The following NREP variants were observed in gnomAD, a reference collection of about 807,000 sequenced individuals.
The protein encoded by NREP is neuronal regeneration related protein, also known as neuronal regeneration-related protein.
Under a neutral mutation model 8.6 loss-of-function variants are expected in NREP, and 5 were observed. That is an observed-to-expected ratio of 0.58 (90% CI 0.30 to 1.22). NREP has a LOEUF of 1.22. Among genes scored for constraint, NREP ranks in the 50% most tolerant of loss-of-function variants. The pLI is 0.07. For missense variants in NREP, 86 were observed against 82.5 expected, an observed-to-expected ratio of 1.04 and a Z score of -0.17; for synonymous variants, 27 against 28.0, an observed-to-expected ratio of 0.96 and a Z score of 0.11.
At chr5:111,763,434 G>A (rs1400856096) in intron 2 of NREP, among the ~76,000 whole-genome samples, 2 of 152,182 alleles carry the variant, frequency 1.3e-5, no homozygotes, top group Non-Finnish European at 2.9e-5. Flanking sequence ...GAAAATTATG[G>A]TGCTTTCAAT....
intron 2 of NREP, among the ~76,000 whole-genome samples, chr5:111,780,363 G>A (rs895843937): frequency 2.6e-5 from 4 of 152,118 alleles, no homozygotes; most frequent in Admixed American, 6.6e-5. Flanking sequence ...TAAAGTTTTT[G>A]CTACTGTGAG....
At chr5:111,836,524 C>T (rs975977496) in intron 2 of NREP, among the ~76,000 whole-genome samples, 1 of 152,026 alleles carries the variant, frequency 6.6e-6, no homozygotes, top group Non-Finnish European at 1.5e-5. Context: ...CTTTGGCTCT[C>T]TACATCAATA....
At chr5:111,923,130 G>C (rs555122206) in intron 2 of NREP, among the ~76,000 whole-genome samples, 1 of 152,332 alleles carries the variant, frequency 6.6e-6, no homozygotes, top group South Asian at 2.1e-4. Context: ...TGGAGGATAA[G>C]AAAGACATAT....
At chr5:111,811,604 C>T (rs1022966389) in intron 2 of NREP, among the ~76,000 whole-genome samples, 1 of 152,146 alleles carries the variant, frequency 6.6e-6, no homozygotes, top group African/African-American at 2.4e-5. Context: ...TCATCAAGTC[C>T]AGAAGGGAGT....
At chr5:111,780,577 T>C (rs1298370242) in intron 2 of NREP, among the ~76,000 whole-genome samples, 2 of 152,286 alleles carry the variant, frequency 1.3e-5, no homozygotes, top group East Asian at 3.9e-4. Context: ...AGTATATGTT[T>C]GGTGGGGAGT....
At chr5:111,772,829 G>A (rs987858744) in intron 2 of NREP, among the ~76,000 whole-genome samples, 5 of 152,116 alleles carry the variant, frequency 3.3e-5, no homozygotes, top group African/African-American at 1.2e-4. Context: ...ATTAATAATA[G>A]GAGTTTAATA....
intron 2 of NREP, among the ~76,000 whole-genome samples, chr5:111,868,965 A>G (rs538799832): frequency 4.6e-5 from 7 of 152,182 alleles, no homozygotes; most frequent in East Asian, 1.9e-4. Context: ...ACACCTTACT[A>G]TTTTTAAAGG....
intron 2 of NREP, among the ~76,000 whole-genome samples, chr5:111,919,973 ACC>A (rs34120230): frequency 0.039 from 4,933 of 127,342 alleles, 247 homozygotes; most frequent in African/African-American, 0.047. Flanking sequence ...TAAAAAGAAT[ACC>A]CCCCCCCCCC....
rs750423645 is a variant in NREP at position 111,909,499 on chromosome 5, A to T, written c.135+65775T>A. ...TTAAAATAAAATGCAATCAGCTTCT[A>T]TATCTGTTAGTGTATTTAGCAGCTC... On this transcript the variant is annotated intron_variant, in intron 2 of 3. Coordinates refer to the NREP transcript ENST00000395634. Among the ~76,000 whole-genome samples, 5 of 152,210 alleles carry T rather than the reference A, an allele frequency of 3.3e-5. No homozygotes were observed. The South Asian group carries it at 1.0e-3, about 32-fold the overall frequency.
At chr5:111,951,422 G>C (rs189745854) in intron 2 of NREP, among the ~76,000 whole-genome samples, 1 of 151,914 alleles carries the variant, frequency 6.6e-6, no homozygotes, top group Non-Finnish European at 1.5e-5. Context: ...GCCCACCATC[G>C]GTTTTTGTAA....
chr5:111,799,935 T>G (rs901776746), intron 2 of NREP, among the ~76,000 whole-genome samples: 3 of 152,160 alleles, frequency 2.0e-5, no homozygotes, highest in African/African-American at 7.2e-5. Flanking sequence ...TTTTTGTTTT[T>G]TTGAGATGGA....
intron 2 of NREP, among the ~76,000 whole-genome samples, chr5:111,781,256 C>T (rs577618530): frequency 6.6e-6 from 1 of 152,100 alleles, no homozygotes; most frequent in Non-Finnish European, 1.5e-5. Context: ...TTCTGAGGCT[C>T]GGTCAAAAAG....
chr5:111,970,825 CA>C (rs33962098), intron 2 of NREP, among the ~76,000 whole-genome samples: 3,724 of 53,544 alleles, frequency 0.07, 27 homozygotes, highest in South Asian at 0.084. Flanking sequence ...GACTCCATCT[CA>C]AAAAAAAAAA....
At chr5:111,916,606 C>T (rs537466702) in intron 2 of NREP, among the ~76,000 whole-genome samples, 14 of 152,224 alleles carry the variant, frequency 9.2e-5, no homozygotes, top group African/African-American at 3.4e-4. Context: ...GGGTGAGATT[C>T]CTTGGCTTCA....
At chr5:111,739,836 A>AATC (rs1749492324) in intron 2 of NREP, 1 of 152,158 alleles carries the variant, frequency 6.6e-6, no homozygotes, top group Admixed American at 6.5e-5. Context: ...AGTTTGCATT[A>AATC]ATCTTCACAA....
chr5:111,942,261 A>G (rs1413428947), intron 2 of NREP, among the ~76,000 whole-genome samples: 1 of 152,054 alleles, frequency 6.6e-6, no homozygotes, highest in African/African-American at 2.4e-5. Context: ...TTCGAATGAC[A>G]CCAAATAACA....
rs571451482 is a variant in NREP, at chr5:111,775,366, G to T, written c.136-39859C>A. On this transcript the variant is annotated intron_variant, in intron 2 of 3. Transcript: ENST00000395634. ...GCAATCTCCCTGTGACTTGTGGGCT[G>T]CCCTAGGGTAGCAGGAGGCAGCTGA... Among the ~76,000 whole-genome samples, 6 of 152,274 alleles carry T rather than the reference G, an allele frequency of 3.9e-5. No individual in the cohort carries two copies. The East Asian group carries it at 1.2e-3, about 29-fold the overall frequency.
At chr5:111,847,013 G>A (rs555793637) in intron 2 of NREP, among the ~76,000 whole-genome samples, 4 of 152,012 alleles carry the variant, frequency 2.6e-5, no homozygotes, top group Admixed American at 6.6e-5. Flanking sequence ...TAATAAAGGC[G>A]ACGACTGATG....
intron 2 of NREP, chr5:111,948,826 T>A (rs1581243426): frequency 6.6e-6 from 1 of 152,020 alleles, no homozygotes; most frequent in Non-Finnish European, 1.5e-5. Flanking sequence ...TCCCCATGTA[T>A]AAGGCATTTC....
Sources: gnomAD v4.1 joint callset for allele counts (sites outside exome capture counted in the v4.1 genomes callset) on GRCh38, gnomAD v4.1.1 for gene constraint, MANE v1.5 for transcripts, NCBI Gene and HGNC (gene_info 2026-07-23, HGNC 2026-07-21) for gene names.